The following EXD2 variants were observed in gnomAD, a reference collection of about 807,000 sequenced individuals.
The protein encoded by EXD2 is exonuclease 3'-5' domain containing 2, also known as exonuclease 3'-5' domain-containing protein 2.
In EXD2, 40 loss-of-function variants were observed where a neutral mutation model predicts 62.5. The observed-to-expected ratio is 0.64, with a 90% confidence interval of 0.50 to 0.83. EXD2 has a LOEUF of 0.83. Ranked by LOEUF, EXD2 falls within the 40% of genes least tolerant of loss-of-function variation. The probability of loss-of-function intolerance (pLI) is 0.00; values close to 1 mark genes in which losing one functional copy is unlikely to be tolerated. For synonymous variants in EXD2, 239 were observed against 291.9 expected, an observed-to-expected ratio of 0.82 and a Z score of 1.85; for missense variants, 671 against 761.8, an observed-to-expected ratio of 0.88 and a Z score of 1.40.
chr14:69,236,629 C>G, intron 8 of EXD2, 87 bp downstream of exon 8: 2 of 1,555,904 alleles, frequency 1.3e-6, no homozygotes, highest in South Asian at 2.3e-5. Context: ...GGGGCTGTGG[C>G]TGAGTCTGTC....
At chr14:69,235,994 T>A in intron 6 of EXD2, 52 bp from the exon 7 acceptor site, 1 of 1,387,156 alleles carries the variant, frequency 7.2e-7, no homozygotes, top group Non-Finnish European at 1.0e-6. Context: ...CAACAGACAT[T>A]TTGACCCACA....
chr14:69,204,817 T>C (rs2042531636), intron 2 of EXD2, among the ~76,000 whole-genome samples: 1 of 152,240 alleles, frequency 6.6e-6, no homozygotes, highest in African/African-American at 2.4e-5. Flanking sequence ...GAGACATTTA[T>C]CATACAAATG....
rs1218590339 is a variant in EXD2 at position 69,209,558 on chromosome 14, C to T, written c.88C>T (p.Arg30Cys). ...GTTTGTCCTCTGGAAAGGCATCCAGCGCCGCCGAAGGAGTAAAACGAGTCC... is the reference window on the plus strand; with the variant it reads ...GTTTGTCCTCTGGAAAGGCATCCAGTGCCGCCGAAGGAGTAAAACGAGTCC... ...GGFVLWKGIQ[R>C]RRRSKTSPVT... The change falls in exon 3 of 10, where the codon CGC becomes TGC. Residue 30 changes from arginine to cysteine, a missense_variant. Physicochemically the swap from Arg to Cys is radical, Grantham distance 180. Coordinates refer to ENST00000685843, the MANE Select transcript of EXD2 (RefSeq NM_001193360.2). 33 of 1,550,432 alleles carry T rather than the reference C, an allele frequency of 2.1e-5. 1 individual carries two copies. In the Admixed American group the frequency reaches 3.9e-4, roughly 18 times the overall value.
At chr14:69,238,782 G>A (rs575371696) in intron 9 of EXD2, among the ~76,000 whole-genome samples, 2 of 152,082 alleles carry the variant, frequency 1.3e-5, no homozygotes, top group African/African-American at 4.8e-5. Flanking sequence ...CTACAAGCAT[G>A]CACCACCACA....
At chr14:69,208,634 C>T (rs1192693071) in intron 2 of EXD2, among the ~76,000 whole-genome samples, 2 of 152,298 alleles carry the variant, frequency 1.3e-5, no homozygotes, top group East Asian at 1.9e-4. Flanking sequence ...CCACATGTTA[C>T]AGAAAAATGA....
chr14:69,218,628 G>C (rs1050140275), intron 3 of EXD2, among the ~76,000 whole-genome samples: 3 of 150,496 alleles, frequency 2.0e-5, no homozygotes, highest in Non-Finnish European at 3.0e-5. Context: ...CATGGACAAG[G>C]TTTATGGTTT....
chr14:69,224,829 AT>A (rs2043304140), intron 3 of EXD2, among the ~76,000 whole-genome samples: 1 of 151,964 alleles, frequency 6.6e-6, no homozygotes, highest in Admixed American at 6.6e-5. Context: ...AAATACAAAA[AT>A]TAGCTGGGTG....
Position 69,241,107 on chromosome 14 carries a change from C to T in EXD2, c.*7C>T. 6.2e-7 allele frequency: 1 copy of T among 1,610,774 alleles called. No homozygotes were observed. The highest frequency in any genetic ancestry group is 8.5e-7 in the Non-Finnish European group (1 of 1,179,092). On this transcript the variant is annotated 3_prime_UTR_variant, in exon 10 of 10. Transcript: ENST00000685843. Reference sequence around the variant, plus strand: ...TCCCATCCAGCTGTCTTGATAGCTGCTTTCCTCCCAGTTAGGACAAGTGGG... The same window carrying T: ...TCCCATCCAGCTGTCTTGATAGCTGTTTTCCTCCCAGTTAGGACAAGTGGG...
intron 3 of EXD2, among the ~76,000 whole-genome samples, chr14:69,211,316 A>G (rs2042798532): frequency 6.6e-6 from 1 of 151,992 alleles, no homozygotes; most frequent in South Asian, 2.1e-4. Flanking sequence ...CATAAAAAGC[A>G]ACTCTTCATC....
intron 3 of EXD2, among the ~76,000 whole-genome samples, chr14:69,220,364 G>C (rs1245537799): frequency 7.5e-6 from 1 of 132,496 alleles, no homozygotes; most frequent in East Asian, 2.4e-4. Context: ...TCCACCTCCC[G>C]GGTTCACGCC....
chr14:69,203,674 A>G (rs1175243285), intron 1 of EXD2, among the ~76,000 whole-genome samples: 1 of 152,238 alleles, frequency 6.6e-6, no homozygotes, highest in Non-Finnish European at 1.5e-5. Context: ...ATTCAGTCAG[A>G]GACTAGGTCA....
chr14:69,235,754 T>G, intron 6 of EXD2: 1 of 397,078 alleles, frequency 2.5e-6, no homozygotes, highest in Non-Finnish European at 4.6e-6. Context: ...TGCTTGGTTC[T>G]TTTTTGCATT....
In EXD2 at chr14:69,209,441, A is replaced by G; in HGVS notation, c.-30A>G. On this transcript the variant is annotated 5_prime_UTR_variant, in exon 3 of 10. In the 5' UTR this introduces an upstream ATG that the reference lacks. Transcript: ENST00000685843. ...TTTTGCAGATTGTGGGATTAGTGAT[A>G]TGCTTTTCTAAAGAGTAGAAAAGTC... 6.9e-7 allele frequency: 1 copy of G among 1,457,852 alleles called. No homozygotes were observed. The highest frequency in any genetic ancestry group is 9.1e-7 in the Non-Finnish European group (1 of 1,099,364). The allele number at this position is 1,457,852 out of a possible 1,614,324, so 90.3% of individuals were successfully genotyped here.
intron 1 of EXD2, among the ~76,000 whole-genome samples, chr14:69,199,778 A>G (rs2042327236): frequency 6.6e-6 from 1 of 152,214 alleles, no homozygotes; most frequent in Non-Finnish European, 1.5e-5. Flanking sequence ...TGTATCTATG[A>G]TAACAATGCC....
chr14:69,221,263 G>C (rs1242726756), intron 3 of EXD2, among the ~76,000 whole-genome samples: 3 of 152,190 alleles, frequency 2.0e-5, no homozygotes, highest in African/African-American at 7.2e-5. Context: ...GTTTGTATAA[G>C]ATTGTCATTC....
chr14:69,203,100 C>G (rs546593249), intron 1 of EXD2, among the ~76,000 whole-genome samples: 5 of 152,136 alleles, frequency 3.3e-5, no homozygotes, highest in Admixed American at 6.6e-5. Flanking sequence ...CTCCTGTTGC[C>G]TAGGCTGGAC....
At chr14:69,195,141 C>A (rs1191872342) in intron 1 of EXD2, among the ~76,000 whole-genome samples, 1 of 151,570 alleles carries the variant, frequency 6.6e-6, no homozygotes, top group Non-Finnish European at 1.5e-5. Flanking sequence ...CACTTGAACC[C>A]AGAAGGCAGA....
intron 7 of EXD2, 28 bp downstream of exon 7, chr14:69,236,180 C>A: frequency 6.3e-7 from 1 of 1,588,950 alleles, no homozygotes; most frequent in Non-Finnish European, 8.6e-7. Flanking sequence ...CCTTGTTTAT[C>A]TCTAATTAGG....
chr14:69,234,906 A>C lies in EXD2; in HGVS notation c.924A>C (p.Ala308=). Residue 308 remains alanine, a synonymous_variant, in exon 6 of 10, where the codon GCA becomes GCC. Transcript: ENST00000685843. ...TGGGAGAAGAGGTTAATGGGGAAGC[A>C]ACAGAATCTCAGCAGAAGCCAAGAA... ...SRLGEEVNGE[A]TESQQKPRNK... is the part of the protein sequence containing the mutation. 6.2e-7 allele frequency: 1 copy of C among 1,614,222 alleles called. No homozygotes were observed. Among genetic ancestry groups the C allele is most frequent in the Non-Finnish European group, 8.5e-7 (1 of 1,180,030 alleles).
Sources: gnomAD v4.1 joint callset for allele counts (sites outside exome capture counted in the v4.1 genomes callset) on GRCh38, gnomAD v4.1.1 for gene constraint, MANE v1.5 for transcripts, NCBI Gene and HGNC (gene_info 2026-07-23, HGNC 2026-07-21) for gene names.